Variants in XKR4 observed in about 807,000 individuals in gnomAD.
XKR4 encodes XK-related protein 4.
Under a neutral mutation model 53.9 loss-of-function variants are expected in XKR4, and 12 were observed. The observed-to-expected ratio is 0.22, with a 90% CI of 0.14 to 0.36. The LOEUF (loss-of-function observed/expected upper bound fraction) is 0.36, where lower values mean the gene tolerates loss of function less well. XKR4 is among the 10% of genes least tolerant of loss of function. The probability of loss-of-function intolerance (pLI) is 1.00; values close to 1 mark genes in which losing one functional copy is unlikely to be tolerated. For missense variants in XKR4, 799 were observed against 859.5 expected, an observed-to-expected ratio of 0.93 and a Z score of 0.88; for synonymous variants, 354 against 362.4, an observed-to-expected ratio of 0.98 and a Z score of 0.26.
At chr8:55,299,377 G>A (rs1819146983) in intron 1 of XKR4, among the ~76,000 whole-genome samples, 1 of 152,152 alleles carries the variant, frequency 6.6e-6, no homozygotes, top group African/African-American at 2.4e-5. Context: ...TGGAATTGAA[G>A]GGCTGAGGGA....
chr8:55,227,671 T>C (rs1315971884), intron 1 of XKR4, among the ~76,000 whole-genome samples: 1 of 152,142 alleles, frequency 6.6e-6, no homozygotes, highest in African/African-American at 2.4e-5. Flanking sequence ...GACAGTTGGG[T>C]GACACTTCTG....
chr8:55,432,243 T>C (rs1255537527), intron 2 of XKR4, among the ~76,000 whole-genome samples: 1 of 152,156 alleles, frequency 6.6e-6, no homozygotes, highest in African/African-American at 2.4e-5. Flanking sequence ...GAATCCTGGC[T>C]CCACCGTTTA....
chr8:55,336,885 A>C (rs778677249), intron 1 of XKR4, among the ~76,000 whole-genome samples: 1 of 152,198 alleles, frequency 6.6e-6, no homozygotes. Flanking sequence ...CATCAGGCGC[A>C]CACGAACCTT....
intron 2 of XKR4, chr8:55,450,191 A>G: frequency 4.5e-6 from 3 of 663,620 alleles, no homozygotes; most frequent in Non-Finnish European, 5.5e-6. Flanking sequence ...CAGCTGTGGT[A>G]GCAGGGCCAC....
At position 55,302,397 on chromosome 8, in the gene XKR4, A is replaced by C. The variant is rs370104060; in HGVS notation, c.807-55281A>C. 9.9e-5 allele frequency among the ~76,000 whole-genome samples: 15 copies of C among 152,102 alleles called. No individual in the cohort carries two copies. In the East Asian group the frequency reaches 2.3e-3, roughly 23 times the overall value. ...AGTACCATGCTGTTTTGGTTACTGT[A>C]GCCTTGTAGTATAGTTTGAAGTCAG... On this transcript the variant is annotated intron_variant, in intron 1 of 2. Transcript: ENST00000327381.
intron 1 of XKR4, among the ~76,000 whole-genome samples, chr8:55,191,783 C>A (rs1817447964): frequency 6.7e-6 from 1 of 149,456 alleles, no homozygotes; most frequent in Admixed American, 6.7e-5. Context: ...TTTACTATTA[C>A]ATTCTTGACA....
At chr8:55,159,486 A>G (rs1355029992) in intron 1 of XKR4, among the ~76,000 whole-genome samples, 1 of 152,214 alleles carries the variant, frequency 6.6e-6, no homozygotes, top group Non-Finnish European at 1.5e-5. Flanking sequence ...GTTGTAGGGA[A>G]CATCCAATTT....
chr8:55,295,922 A>T (rs1441262536), intron 1 of XKR4, among the ~76,000 whole-genome samples: 1 of 152,166 alleles, frequency 6.6e-6, no homozygotes, highest in African/African-American at 2.4e-5. Flanking sequence ...ATTAATACTG[A>T]TTGAATAGCA....
intron 2 of XKR4, among the ~76,000 whole-genome samples, chr8:55,491,326 T>G (rs1806269488): frequency 6.6e-6 from 1 of 152,232 alleles, no homozygotes; most frequent in African/African-American, 2.4e-5. Context: ...GATTTTTCTC[T>G]GGGTTATTGG....
intron 1 of XKR4, among the ~76,000 whole-genome samples, chr8:55,142,787 G>A (rs914987499): frequency 6.6e-6 from 1 of 152,220 alleles, no homozygotes; most frequent in African/African-American, 2.4e-5. Flanking sequence ...TTTATTGCAT[G>A]TATGCGTGAT....
chr8:55,377,518 G>T (rs1348108287), intron 2 of XKR4, among the ~76,000 whole-genome samples: 3 of 152,246 alleles, frequency 2.0e-5, no homozygotes, highest in Middle Eastern at 3.4e-3. Context: ...CTCAGAAAAT[G>T]AGTGAGGAAT....
At chr8:55,465,638 G>A (rs1299441719) in intron 2 of XKR4, among the ~76,000 whole-genome samples, 4 of 151,764 alleles carry the variant, frequency 2.6e-5, no homozygotes, top group African/African-American at 9.7e-5. Context: ...TGACAAATGG[G>A]ATCTAATTAA....
intron 2 of XKR4, among the ~76,000 whole-genome samples, chr8:55,420,035 G>C (rs1248732524): frequency 1.3e-5 from 2 of 152,024 alleles, no homozygotes; most frequent in African/African-American, 4.8e-5. Context: ...AAAAAGCCTT[G>C]GTATATTCAG....
intron 2 of XKR4, among the ~76,000 whole-genome samples, chr8:55,385,595 C>G (rs1804297331): frequency 6.6e-6 from 1 of 152,170 alleles, no homozygotes; most frequent in South Asian, 2.1e-4. Context: ...ATTCCAGAGA[C>G]AGCTCAGCAA....
chr8:55,283,884 T>C lies in XKR4; in HGVS notation c.807-73794T>C, dbSNP rs144046591. ...TGGGACATTACCAAGAAAGAGCAAG[T>C]GGACAAAGGAAGCAATTGCCCTTTG... On this transcript the variant is annotated intron_variant, in intron 1 of 2. Transcript: ENST00000327381. Among the ~76,000 whole-genome samples the C allele has an allele frequency of 4.1e-4, 63 of 152,296 alleles. 2 individuals are homozygous for C. The highest frequency in any genetic ancestry group is 2.4e-5 in the African/African-American group (1 of 41,558).
At chr8:55,449,098 C>A (rs984749709) in intron 2 of XKR4, among the ~76,000 whole-genome samples, 1 of 147,796 alleles carries the variant, frequency 6.8e-6, no homozygotes, top group Non-Finnish European at 1.5e-5. Context: ...AAAAAAAAAA[C>A]ATATAAAATT....
intron 1 of XKR4, among the ~76,000 whole-genome samples, chr8:55,297,563 C>T (rs1819118490): frequency 6.6e-6 from 1 of 152,116 alleles, no homozygotes; most frequent in Non-Finnish European, 1.5e-5. Flanking sequence ...AAAGCTCATC[C>T]TTACAGGGGA....
chr8:55,308,389 A>C (rs1819339260), intron 1 of XKR4, among the ~76,000 whole-genome samples: 1 of 151,806 alleles, frequency 6.6e-6, no homozygotes, highest in African/African-American at 2.4e-5. Flanking sequence ...GTGGAAGGCA[A>C]AACAGTCACC....
intron 1 of XKR4, among the ~76,000 whole-genome samples, chr8:55,172,850 A>G (rs1817181343): frequency 6.6e-6 from 1 of 152,200 alleles, no homozygotes; most frequent in Non-Finnish European, 1.5e-5. Flanking sequence ...GGTTTCATTT[A>G]TCTTGGGAAT....
Sources: gnomAD v4.1 joint callset for allele counts (sites outside exome capture counted in the v4.1 genomes callset) on GRCh38, gnomAD v4.1.1 for gene constraint, MANE v1.5 for transcripts, NCBI Gene and HGNC (gene_info 2026-07-23, HGNC 2026-07-21) for gene names.